HACD2: variants seen among roughly 807,000 people sequenced by gnomAD.
HACD2 encodes the protein 3-hydroxyacyl-CoA dehydratase 2.
HACD2 carries 15 observed loss-of-function variants against 31.0 expected under a neutral mutation model. That is an observed-to-expected ratio of 0.48 (90% confidence interval 0.32 to 0.75). The LOEUF (loss-of-function observed/expected upper bound fraction) is 0.75. Ranked by LOEUF, HACD2 falls within the 30% of genes least tolerant of loss-of-function variation. HACD2 has a pLI of 0.03. For missense variants in HACD2, 283 were observed against 313.0 expected (o/e 0.90, Z 0.72); for synonymous variants, 115 against 122.2 (o/e 0.94, Z 0.39).
At chr3:123,497,642 G>C (rs1222380012) in intron 6 of HACD2, among the ~76,000 whole-genome samples, 1 of 152,176 alleles carries the variant, frequency 6.6e-6, no homozygotes, top group Admixed American at 6.5e-5. Context: ...TCACCAATTT[G>C]GGGGTGGAAT....
intron 4 of HACD2, among the ~76,000 whole-genome samples, chr3:123,523,671 T>G (rs1048995443): frequency 2.0e-5 from 3 of 152,180 alleles, no homozygotes; most frequent in African/African-American, 7.2e-5. Flanking sequence ...GAGGTGACAC[T>G]TTTGAGGAAT....
At chr3:123,574,192 C>T (rs2107755580) in intron 2 of HACD2, among the ~76,000 whole-genome samples, 1 of 152,382 alleles carries the variant, frequency 6.6e-6, no homozygotes, top group South Asian at 2.1e-4. Flanking sequence ...ATTTCACCAA[C>T]ATGTGTCTCC....
chr3:123,579,524 G>C (rs1045538129), intron 2 of HACD2, among the ~76,000 whole-genome samples: 1 of 151,850 alleles, frequency 6.6e-6, no homozygotes, highest in East Asian at 1.9e-4. Flanking sequence ...AGCTGGTCTC[G>C]AACTCTTGCC....
chr3:123,528,189 T>C (rs2056308220), intron 4 of HACD2, among the ~76,000 whole-genome samples, 197 bp downstream of exon 4: 1 of 152,238 alleles, frequency 6.6e-6, no homozygotes, highest in South Asian at 2.1e-4. Flanking sequence ...AGTCTTCTTT[T>C]TAACAACACT....
At chr3:123,499,844 A>C (rs1221085163) in intron 6 of HACD2, among the ~76,000 whole-genome samples, 1 of 152,212 alleles carries the variant, frequency 6.6e-6, no homozygotes, top group Non-Finnish European at 1.5e-5. Context: ...CCTCATCCTC[A>C]GAAAGTAGGG....
intron 2 of HACD2, among the ~76,000 whole-genome samples, chr3:123,571,373 G>T (rs1035360867): frequency 1.3e-5 from 2 of 152,104 alleles, no homozygotes; most frequent in African/African-American, 4.8e-5. Flanking sequence ...TGAAGATACA[G>T]ATATTATGTG....
At position 123,532,075 on chromosome 3, in the gene HACD2, C is replaced by G. The variant is rs79257073; in HGVS notation, c.293-3601G>C. Among the ~76,000 whole-genome samples, 125 of 152,274 alleles carry G rather than the reference C, an allele frequency of 8.2e-4. 7 individuals carry two copies. The East Asian group carries it at 0.024, about 29-fold the overall frequency. ...AAGAAGTTTATTACCAATTTATACT[C>G]CCACCAGCAATATACAAAAGTGCCT... On this transcript the variant is annotated intron_variant, in intron 3 of 6. Coordinates refer to ENST00000383657, the MANE Select transcript of HACD2 (RefSeq NM_198402.5).
rs1350870040 is a variant in HACD2, at chr3:123,569,491, A to AGCTGGGACTACAGGCAATTGCC, written c.274-1733_274-1712dup. Among the ~76,000 whole-genome samples the AGCTGGGACTACAGGCAATTGCC allele has an allele frequency of 5.3e-4, 81 of 152,252 alleles. 1 individual carries two copies. The highest frequency in any genetic ancestry group is 1.9e-3 in the African/African-American group (80 of 41,566). ...ATCCTCCCACCTCAGCCTCCTGAGT[A>AGCTGGGACTACAGGCAATTGCC]GCTGGGACTACAGGCAATTGCCACT... On this transcript the variant is annotated intron_variant, in intron 2 of 6. Coordinates refer to ENST00000383657, the MANE Select transcript of HACD2 (RefSeq NM_198402.5).
At chr3:123,519,817 A>G (rs2056190240) in intron 4 of HACD2, among the ~76,000 whole-genome samples, 1 of 152,232 alleles carries the variant, frequency 6.6e-6, no homozygotes, top group South Asian at 2.1e-4. Flanking sequence ...TGTACTGTGG[A>G]GCACATCTGC....
At chr3:123,550,563 C>A (rs779010493) in intron 3 of HACD2, among the ~76,000 whole-genome samples, 3 of 152,098 alleles carry the variant, frequency 2.0e-5, no homozygotes, top group Non-Finnish European at 2.9e-5. Context: ...AAGCAGAGGG[C>A]AAATGGTGAA....
At chr3:123,550,543 G>A (rs1172626017) in intron 3 of HACD2, among the ~76,000 whole-genome samples, 2 of 152,178 alleles carry the variant, frequency 1.3e-5, no homozygotes, top group East Asian at 1.9e-4. Context: ...AGGAAAAGAG[G>A]TAGACAGAGA....
intron 3 of HACD2, among the ~76,000 whole-genome samples, chr3:123,565,367 A>G (rs1056751913): frequency 5.9e-5 from 9 of 152,130 alleles, no homozygotes; most frequent in Admixed American, 2.0e-4. Flanking sequence ...TGCAAAAGTA[A>G]TAAGTGGTGG....
chr3:123,578,349 T>C (rs2056930185), intron 2 of HACD2, among the ~76,000 whole-genome samples: 1 of 152,168 alleles, frequency 6.6e-6, no homozygotes. Flanking sequence ...TGGCTCACTG[T>C]AGCCTTGAAC....
At chr3:123,549,075 T>C (rs2056591445) in intron 3 of HACD2, among the ~76,000 whole-genome samples, 1 of 151,620 alleles carries the variant, frequency 6.6e-6, no homozygotes, top group Non-Finnish European at 1.5e-5. Context: ...CTTCAAAAGC[T>C]TATGAATAGA....
At chr3:123,566,339 CA>C (rs1428456707) in intron 3 of HACD2, among the ~76,000 whole-genome samples, 1 of 151,918 alleles carries the variant, frequency 6.6e-6, no homozygotes, top group East Asian at 2.0e-4. Context: ...GGCTAAAATG[CA>C]ATGGTGTGAT....
At chr3:123,533,962 G>A (rs2056396327) in intron 3 of HACD2, among the ~76,000 whole-genome samples, 1 of 152,148 alleles carries the variant, frequency 6.6e-6, no homozygotes, top group South Asian at 2.1e-4. Context: ...ATAGTTATGG[G>A]AATTTATGTT....
At chr3:123,569,398 G>A (rs2056828686) in intron 2 of HACD2, among the ~76,000 whole-genome samples, 1 of 152,170 alleles carries the variant, frequency 6.6e-6, no homozygotes, top group South Asian at 2.1e-4. Flanking sequence ...ATCATATTCT[G>A]TCACCCAGGC....
intron 3 of HACD2, among the ~76,000 whole-genome samples, chr3:123,558,331 T>C: frequency 6.6e-6 from 1 of 152,174 alleles, no homozygotes; most frequent in East Asian, 1.9e-4. Flanking sequence ...TGTATGACAG[T>C]ATAATATTAG....
At chr3:123,563,656 C>T (rs1559930402) in intron 3 of HACD2, among the ~76,000 whole-genome samples, 1 of 138,922 alleles carries the variant, frequency 7.2e-6, no homozygotes, top group Admixed American at 7.3e-5. Flanking sequence ...CACACACACA[C>T]ACACACACAC....
Sources: gnomAD v4.1 joint callset for allele counts (sites outside exome capture counted in the v4.1 genomes callset) on GRCh38, gnomAD v4.1.1 for gene constraint, MANE v1.5 for transcripts, NCBI Gene and HGNC (gene_info 2026-07-23, HGNC 2026-07-21) for gene names.